Variants in CNTNAP2 observed in about 807,000 individuals in gnomAD.
The protein encoded by CNTNAP2 is contactin associated protein 2.
Under a neutral mutation model 155.2 loss-of-function variants are expected in CNTNAP2, and 98 were observed. The observed-to-expected ratio is 0.63, with a 90% CI of 0.54 to 0.75. The LOEUF (loss-of-function observed/expected upper bound fraction) is 0.75, where lower values mean the gene tolerates loss of function less well. Among genes scored for constraint, CNTNAP2 ranks in the 30% least tolerant of loss-of-function variants. The probability of loss-of-function intolerance (pLI) is 0.00; values close to 1 mark genes in which losing one functional copy is unlikely to be tolerated. For missense variants in CNTNAP2, 1,727 were observed against 1,688.1 expected (o/e 1.02, Z -0.40); for synonymous variants, 651 against 631.2 (o/e 1.03, Z -0.47).
intron 11 of CNTNAP2, among the ~76,000 whole-genome samples, chr7:147,548,196 G>C (rs938664164): frequency 6.6e-6 from 1 of 152,154 alleles, no homozygotes; most frequent in East Asian, 1.9e-4. Context: ...CTTCCACAAG[G>C]GTTGAACTAA....
chr7:146,902,734 C>T (rs150947943), intron 3 of CNTNAP2, among the ~76,000 whole-genome samples: 184 of 152,270 alleles, frequency 1.2e-3, no homozygotes, highest in African/African-American at 3.3e-3. Flanking sequence ...GTAAATGTTC[C>T]GTCTCATGAG....
intron 9 of CNTNAP2, among the ~76,000 whole-genome samples, chr7:147,375,388 A>G (rs1183525657): frequency 6.6e-6 from 1 of 152,010 alleles, no homozygotes. Flanking sequence ...TTACAGTAAC[A>G]TTGGTAATTA....
At chr7:146,202,216 T>C (rs1452672958) in intron 1 of CNTNAP2, among the ~76,000 whole-genome samples, 1 of 152,154 alleles carries the variant, frequency 6.6e-6, no homozygotes, top group Non-Finnish European at 1.5e-5. Flanking sequence ...TCATGCCACA[T>C]AGCTACATGA....
intron 8 of CNTNAP2, among the ~76,000 whole-genome samples, chr7:147,273,791 T>C (rs1460444306): frequency 6.8e-6 from 1 of 146,186 alleles, no homozygotes; most frequent in Non-Finnish European, 1.5e-5. Context: ...ATCTATTTTA[T>C]ATATATTTTT....
intron 1 of CNTNAP2, among the ~76,000 whole-genome samples, chr7:146,722,421 C>T (rs371668046): frequency 7.9e-5 from 12 of 151,954 alleles, no homozygotes; most frequent in East Asian, 3.9e-4. Flanking sequence ...GTAGTAGTGG[C>T]GATTATTGCT....
chr7:147,760,015 C>T (rs1797275367), intron 13 of CNTNAP2, among the ~76,000 whole-genome samples: 1 of 152,068 alleles, frequency 6.6e-6, no homozygotes, highest in Non-Finnish European at 1.5e-5. Flanking sequence ...TCTCTCTCTT[C>T]CTCTCCCTTC....
At chr7:147,686,813 C>CA (rs994206191) in intron 13 of CNTNAP2, among the ~76,000 whole-genome samples, 1 of 144,722 alleles carries the variant, frequency 6.9e-6, no homozygotes, top group Admixed American at 6.8e-5. Context: ...TTTTGCTTAA[C>CA]AAAAAAGCAA....
chr7:146,139,023 C>T (rs970583689), intron 1 of CNTNAP2, among the ~76,000 whole-genome samples: 1 of 152,128 alleles, frequency 6.6e-6, no homozygotes, highest in Non-Finnish European at 1.5e-5. Flanking sequence ...AGCTAAGCCT[C>T]ACCTACCTTA....
chr7:148,182,983 T>C (rs1455567231), intron 18 of CNTNAP2, among the ~76,000 whole-genome samples: 1 of 152,232 alleles, frequency 6.6e-6, no homozygotes, highest in Non-Finnish European at 1.5e-5. Context: ...CATTCTACAT[T>C]CTGTGTGAAC....
chr7:146,155,017 A>G (rs543338107), intron 1 of CNTNAP2, among the ~76,000 whole-genome samples: 3 of 152,348 alleles, frequency 2.0e-5, no homozygotes, highest in East Asian at 1.9e-4. Flanking sequence ...TTGGTTTGCA[A>G]CCACACATAG....
rs548396953 is a variant in CNTNAP2, at chr7:148,182,375, C to T, written c.3010+9897C>T. 7.3e-5 allele frequency among the ~76,000 whole-genome samples: 4 copies of T among 54,592 alleles called. No homozygotes were observed. In the Admixed American group the frequency reaches 7.4e-4, roughly 10 times the overall value. The allele number at this position is 54,592 out of a possible 152,430, so 35.8% of individuals were successfully genotyped here. A position where few individuals can be genotyped will look rare whatever the true frequency, so the allele number is the denominator to read the frequency against. On this transcript the variant is annotated intron_variant, in intron 18 of 23. Coordinates refer to ENST00000361727, the MANE Select transcript of CNTNAP2 (RefSeq NM_014141.6). ...TGGCTGCCCTGCAAGCAGGTCCATT[C>T]ACCAACGTCCACGCTGCCCTTGAGT...
At chr7:147,537,586 A>T (rs1050319139) in intron 11 of CNTNAP2, among the ~76,000 whole-genome samples, 11 of 150,436 alleles carry the variant, frequency 7.3e-5, no homozygotes, top group Non-Finnish European at 1.3e-4. Flanking sequence ...AAAAAAAAAA[A>T]GTTGTAGCTT....
chr7:146,129,283 T>C (rs1240850949), intron 1 of CNTNAP2, among the ~76,000 whole-genome samples: 1 of 152,190 alleles, frequency 6.6e-6, no homozygotes, highest in African/African-American at 2.4e-5. Flanking sequence ...AAAAATGACA[T>C]TGTTTCTTTT....
chr7:147,751,341 G>A (rs1270760611), intron 13 of CNTNAP2, among the ~76,000 whole-genome samples: 1 of 148,854 alleles, frequency 6.7e-6, no homozygotes, highest in Non-Finnish European at 1.5e-5. Context: ...TATTTATTCA[G>A]AGATAAGTGG....
intron 1 of CNTNAP2, among the ~76,000 whole-genome samples, chr7:146,634,085 C>G (rs1563165350): frequency 6.6e-6 from 1 of 152,050 alleles, no homozygotes; most frequent in Admixed American, 6.6e-5. Context: ...AGCTCCACAC[C>G]ACCCAACCAC....
intron 15 of CNTNAP2, among the ~76,000 whole-genome samples, chr7:148,076,460 G>A (rs1467902640): frequency 1.5e-3 from 114 of 76,648 alleles, no homozygotes; most frequent in African/African-American, 4.8e-3. Context: ...TTTTGAGACA[G>A]AGTCTCACTC....
intron 1 of CNTNAP2, among the ~76,000 whole-genome samples, chr7:146,367,517 TA>T: frequency 6.6e-6 from 1 of 152,258 alleles, no homozygotes; most frequent in South Asian, 2.1e-4. Context: ...TTGTTACTAT[TA>T]GGATGCTTGC....
intron 3 of CNTNAP2, among the ~76,000 whole-genome samples, chr7:146,989,832 T>C (rs1242686742): frequency 1.3e-5 from 2 of 152,096 alleles, no homozygotes; most frequent in Non-Finnish European, 2.9e-5. Context: ...TAGCTTATGA[T>C]TCAAGAACAA....
chr7:147,010,655 T>C (rs529537571), intron 3 of CNTNAP2, among the ~76,000 whole-genome samples: 21 of 152,244 alleles, frequency 1.4e-4, no homozygotes, highest in African/African-American at 4.8e-4. Flanking sequence ...TTTCAGTTCA[T>C]ATAGTTATGG....
Sources: gnomAD v4.1 joint callset for allele counts (sites outside exome capture counted in the v4.1 genomes callset) on GRCh38, gnomAD v4.1.1 for gene constraint, MANE v1.5 for transcripts, NCBI Gene and HGNC (gene_info 2026-07-23, HGNC 2026-07-21) for gene names.